Variants in DYM observed in about 807,000 individuals in gnomAD.
DYM encodes the protein dyggve-Melchior-Clausen syndrome protein.
DYM carries 78 observed loss-of-function variants against 93.1 expected under a neutral mutation model. That is an observed-to-expected ratio of 0.84 (90% CI 0.70 to 1.01). DYM has a LOEUF of 1.01. DYM is among the 50% of genes least tolerant of loss of function. The probability of loss-of-function intolerance (pLI) is 0.00; values close to 1 mark genes in which losing one functional copy is unlikely to be tolerated. For missense variants in DYM, 789 were observed against 845.0 expected (o/e 0.93, Z 0.82); for synonymous variants, 321 against 319.7 (o/e 1.00, Z -0.04).
chr18:49,409,526 G>C (rs1413203416), intron 2 of DYM, among the ~76,000 whole-genome samples: 1 of 152,088 alleles, frequency 6.6e-6, no homozygotes, highest in African/African-American at 2.4e-5. Flanking sequence ...ATGAATGATG[G>C]AATAAAAAGA....
chr18:49,420,959 G>A (rs926937546), intron 2 of DYM, among the ~76,000 whole-genome samples: 1 of 152,174 alleles, frequency 6.6e-6, no homozygotes, highest in Non-Finnish European at 1.5e-5. Flanking sequence ...CAGCGAGGCT[G>A]GGGGAGGGGC....
chr18:49,305,031 TTCCTCTAG>T (rs528730505), intron 8 of DYM, among the ~76,000 whole-genome samples: 2 of 152,170 alleles, frequency 1.3e-5, no homozygotes, highest in African/African-American at 2.4e-5. Flanking sequence ...TTCAGGTCAC[TTCCTCTAG>T]TCCTGACTCA....
chr18:49,070,176 GTTT>G (rs1368372329), intron 17 of DYM, among the ~76,000 whole-genome samples: 1 of 152,208 alleles, frequency 6.6e-6, no homozygotes, highest in Admixed American at 6.5e-5. Context: ...TACAACTCTA[GTTT>G]TTGGCTTTGT....
chr18:49,315,968 A>C, intron 8 of DYM, among the ~76,000 whole-genome samples: 1 of 151,232 alleles, frequency 6.6e-6, no homozygotes, highest in East Asian at 1.9e-4. Flanking sequence ...AAAAATATAC[A>C]TGTATTTTAT....
chr18:49,385,614 G>T (rs1194012333), intron 3 of DYM, among the ~76,000 whole-genome samples: 2 of 151,998 alleles, frequency 1.3e-5, no homozygotes, highest in Non-Finnish European at 2.9e-5. Flanking sequence ...AGAATTGCTT[G>T]AACCCAGGAG....
chr18:49,443,229 A>G (rs972209723), intron 1 of DYM, among the ~76,000 whole-genome samples: 12 of 152,356 alleles, frequency 7.9e-5, no homozygotes, highest in African/African-American at 2.9e-4. Flanking sequence ...AGAAAATTTC[A>G]GTGTCAATAA....
chr18:49,316,297 A>C (rs1278368106), intron 8 of DYM, among the ~76,000 whole-genome samples: 4 of 152,194 alleles, frequency 2.6e-5, no homozygotes, highest in Non-Finnish European at 5.9e-5. Flanking sequence ...CACAAAAAAA[A>C]ATCATGAATA....
intron 8 of DYM, among the ~76,000 whole-genome samples, chr18:49,316,579 AAAC>A (rs564146593): frequency 4.6e-5 from 7 of 152,342 alleles, no homozygotes; most frequent in South Asian, 2.1e-4. Context: ...GAGATAATAA[AAAC>A]AACGTTTACT....
intron 13 of DYM, among the ~76,000 whole-genome samples, chr18:49,214,398 A>G (rs532169413): frequency 2.6e-5 from 4 of 152,134 alleles, no homozygotes; most frequent in African/African-American, 4.8e-5. Context: ...ATGCCTGATG[A>G]TCTGATCTGA....
intron 1 of DYM, among the ~76,000 whole-genome samples, chr18:49,443,187 A>G (rs2081810071): frequency 6.6e-6 from 1 of 152,192 alleles, no homozygotes; most frequent in Non-Finnish European, 1.5e-5. Flanking sequence ...AAATCAAAAG[A>G]ATATTTTGTG....
chr18:49,449,049 C>T (rs936577442), intron 1 of DYM, among the ~76,000 whole-genome samples: 1 of 152,160 alleles, frequency 6.6e-6, no homozygotes, highest in Non-Finnish European at 1.5e-5. Flanking sequence ...CCACCTCCAC[C>T]ATCTCCAAAA....
At chr18:49,244,769 G>C (rs946170824) in intron 13 of DYM, among the ~76,000 whole-genome samples, 13 of 152,172 alleles carry the variant, frequency 8.5e-5, no homozygotes, top group African/African-American at 2.7e-4. Context: ...CTTACCTATA[G>C]AGCCAGTAGA....
At chr18:49,337,945 G>A (rs938005627) in intron 6 of DYM, among the ~76,000 whole-genome samples, 4 of 152,002 alleles carry the variant, frequency 2.6e-5, no homozygotes, top group East Asian at 1.9e-4. Context: ...ATTCAATATC[G>A]ATCAAACAGA....
chr18:49,147,510 T>A (rs147438432), intron 15 of DYM, among the ~76,000 whole-genome samples: 4,604 of 151,052 alleles, frequency 0.03, 112 homozygotes, highest in African/African-American at 0.064. Context: ...GAAAAAAACA[T>A]CCCCATGAAA....
At chr18:49,440,997 ATATTT>A (rs2081392190) in intron 1 of DYM, among the ~76,000 whole-genome samples, 1 of 3,244 alleles carries the variant, frequency 3.1e-4, no homozygotes, top group Non-Finnish European at 5.4e-4. Flanking sequence ...AATATATAAT[ATATTT>A]ATATATTATA....
At position 49,099,704 on chromosome 18, in the gene DYM, C is replaced by T. The variant is rs2145603275; in HGVS notation, c.1912-2189G>A. Among the ~76,000 whole-genome samples, 2 of 152,214 alleles carry T rather than the reference C, an allele frequency of 1.3e-5. 1 individual carries two copies. The highest frequency in any genetic ancestry group is 6.8e-3 in the Middle Eastern group (2 of 294). On this transcript the variant is annotated intron_variant, in intron 16 of 17. Transcript: ENST00000675505. ...TACAGATTACTAATCACAGCAATTT[C>T]ACATGACCATCAGCAAGCACAGTAT...
At chr18:49,144,560 G>A (rs1221765435) in intron 15 of DYM, among the ~76,000 whole-genome samples, 1 of 152,050 alleles carries the variant, frequency 6.6e-6, no homozygotes, top group African/African-American at 2.4e-5. Flanking sequence ...TGAAAGGCAG[G>A]ACAAATCCCC....
chr18:49,411,548 T>C (rs1278963562), intron 2 of DYM, among the ~76,000 whole-genome samples: 1 of 152,194 alleles, frequency 6.6e-6, no homozygotes, highest in Non-Finnish European at 1.5e-5. Context: ...CGTTCTCATA[T>C]ATGAATCTCA....
At chr18:49,071,514 A>G (rs2076887931) in intron 17 of DYM, among the ~76,000 whole-genome samples, 2 of 152,232 alleles carry the variant, frequency 1.3e-5, no homozygotes, top group African/African-American at 4.8e-5. Context: ...TTTTCCCTTT[A>G]TGGAACCAGT....
Sources: gnomAD v4.1 joint callset for allele counts (sites outside exome capture counted in the v4.1 genomes callset) on GRCh38, gnomAD v4.1.1 for gene constraint, MANE v1.5 for transcripts, NCBI Gene and HGNC (gene_info 2026-07-23, HGNC 2026-07-21) for gene names.